The following F12 variants were observed in gnomAD, a reference collection of about 807,000 sequenced individuals.
F12 encodes the protein coagulation factor XII, also known as Hageman factor.
In F12, 70 loss-of-function variants were observed where a neutral mutation model predicts 74.8. The ratio of observed to expected loss-of-function variants is 0.94; its 90% CI spans 0.77 to 1.14. The LOEUF (loss-of-function observed/expected upper bound fraction) is 1.14, where lower values mean the gene tolerates loss of function less well. Ranked by LOEUF, F12 falls within the 50% of genes most tolerant of loss-of-function variation. F12 has a pLI of 0.00. For synonymous variants in F12, 373 were observed against 356.4 expected (o/e 1.05, Z -0.52); for missense variants, 811 against 835.7 (o/e 0.97, Z 0.36).
chr5:177,405,671 T>C, intron 4 of F12, 64 bp downstream of exon 4: 1 of 1,507,598 alleles, frequency 6.6e-7, no homozygotes, highest in East Asian at 2.3e-5. Flanking sequence ...GGTCTGGTGA[T>C]ACCAGGAGAG....
chr5:177,405,341 C>T lies in F12; in HGVS notation c.379G>A (p.Gly127Arg), dbSNP rs1763264866. The T allele has an allele frequency of 6.2e-7, 1 of 1,614,162 alleles. No homozygotes were observed. Among genetic ancestry groups the T allele is most frequent in the Admixed American group, 1.7e-5 (1 of 60,024 alleles). ...PHCLCPQHLT[G>R]NHCQKEKCFE... The stretch of plus-strand genomic sequence containing the variant: ...TCCTCACCTTTCTGGCAGTGGTTTC[C>T]AGTGAGGTGTTGTGGACAGAGACAG... The change falls in exon 5 of 14, where the codon GGA (glycine) becomes AGA (arginine). Residue 127 changes from glycine (G) to arginine (R), a missense_variant. Transcript: ENST00000253496.
rs1358361091 is a variant in F12 at position 177,403,973 on chromosome 5, G to A, written c.1136C>T (p.Ala379Val). 2 of 1,602,728 alleles carry A rather than the reference G, an allele frequency of 1.2e-6. No homozygotes were observed. Among genetic ancestry groups the A allele is most frequent in the Admixed American group, 1.7e-5 (1 of 59,858 alleles). Reference sequence around the variant, plus strand: ...GATGTAGGGGTGCGCCCCGCGTAGCGCCACCAGCCCGCCAACGACGCGGGT... The same window carrying A: ...GATGTAGGGGTGCGCCCCGCGTAGCACCACCAGCCCGCCAACGACGCGGGT... ...SMTRVVGGLV[A>V]LRGAHPYIAA... The change falls in exon 10 of 14, where the codon GCG becomes GTG. Residue 379 changes from alanine to valine, a missense_variant. Coordinates refer to ENST00000253496, the MANE Select transcript of F12 (RefSeq NM_000505.4).
chr5:177,406,289 C>T (rs1411193292), intron 2 of F12, among the ~76,000 whole-genome samples: 3 of 152,136 alleles, frequency 2.0e-5, no homozygotes, highest in Admixed American at 2.0e-4. Flanking sequence ...GAGATCAAGA[C>T]CATCCTGGCT....
chr5:177,406,297 G>A (rs867578129), intron 2 of F12, among the ~76,000 whole-genome samples: 5 of 152,136 alleles, frequency 3.3e-5, no homozygotes, highest in African/African-American at 9.7e-5. Flanking sequence ...GACCATCCTG[G>A]CTAATACAGT....
intron 2 of F12, among the ~76,000 whole-genome samples, chr5:177,408,818 C>T (rs1253955013): frequency 2.6e-5 from 4 of 152,216 alleles, no homozygotes; most frequent in Admixed American, 2.6e-4. Context: ...GGTGTGATGG[C>T]GCCAGCAGCA....
intron 12 of F12, chr5:177,402,919 TC>T: frequency 1.4e-6 from 1 of 696,940 alleles, no homozygotes; most frequent in Non-Finnish European, 2.4e-6. Context: ...CAGAAACCCC[TC>T]CCCCACCACC....
chr5:177,402,503 G>C, intron 13 of F12, 44 bp from the exon 14 acceptor site: 1 of 1,599,840 alleles, frequency 6.3e-7, no homozygotes, highest in Non-Finnish European at 8.5e-7. Flanking sequence ...CCTGAGATTT[G>C]TGCCTGACGG....
At position 177,404,176 on chromosome 5, in the gene F12, T is replaced by TC. The variant is rs35966430; in HGVS notation, c.1018+19dup. The TC allele has an allele frequency of 1.7e-3, 2,624 of 1,568,658 alleles. 10 individuals carry two copies. The highest frequency in any genetic ancestry group is 0.014 in the African/African-American group (1,006 of 73,490). ...GCCCGGCGCCCTCTCGGCTCCTCCT[T>TC]CCCCCCCCCACTTCCTAACCTCCCG... is the stretch of plus-strand genomic sequence containing the variant. On this transcript the variant is annotated intron_variant, in intron 9 of 13. Coordinates refer to ENST00000253496, the MANE Select transcript of F12 (RefSeq NM_000505.4).
chr5:177,403,743 G>T, intron 10 of F12, 116 bp downstream of exon 10: 1 of 1,480,782 alleles, frequency 6.8e-7, no homozygotes, highest in Non-Finnish European at 9.0e-7. Flanking sequence ...GAGGGGCGTG[G>T]AAAGAAGGGT....
rs149368999 is a variant in F12, at chr5:177,406,057, G to A, written c.120C>T (p.Leu40=). 1.6e-4 allele frequency: 253 copies of A among 1,613,894 alleles called. No individual in the cohort carries two copies. In the African/African-American group the frequency reaches 3.0e-3, roughly 19 times the overall value. Residue 40 remains leucine (L), a synonymous_variant, in exon 3 of 14, where the codon CTC becomes CTT. Transcript: ENST00000253496. ...AGTGGCAGGGCTCCCCGGTGACAGTGAGAACTGCAGGGACAACACACTCTC... is the reference window on the plus strand; with the variant it reads ...AGTGGCAGGGCTCCCCGGTGACAGTAAGAACTGCAGGGACAACACACTCTC... ...KYKAEEHTVV[L]TVTGEPCHFP...
At chr5:177,405,004 G>A in intron 6 of F12, 50 bp downstream of exon 6, 1 of 1,602,576 alleles carries the variant, frequency 6.2e-7, no homozygotes, top group South Asian at 1.1e-5. Context: ...CCTCCTGCCA[G>A]CCTGTCTTCC....
rs777504579 is a variant in F12, at chr5:177,403,885, C to T, written c.1224G>A (p.Leu408=). 1 of 1,568,304 alleles carries T rather than the reference C, an allele frequency of 6.4e-7. No individual in the cohort carries two copies. The highest frequency in any genetic ancestry group is 8.6e-7 in the Non-Finnish European group (1 of 1,160,412). ...AGSLIAPCWV[L]TAAHCLQDRP... ...GGTCCTGCAGGCAGTGAGCGGCCGT[C>T]AGCACCCAGCAGGGGGCGATGAGGC... is the stretch of plus-strand genomic sequence containing the variant. The change falls in exon 10 of 14, where the codon CTG becomes CTA. Residue 408 remains leucine, a synonymous_variant. Coordinates refer to ENST00000253496, the MANE Select transcript of F12 (RefSeq NM_000505.4).
chr5:177,407,236 C>G (rs1331517103), intron 2 of F12, among the ~76,000 whole-genome samples: 1 of 152,210 alleles, frequency 6.6e-6, no homozygotes, highest in African/African-American at 2.4e-5. Context: ...GAACCTAATA[C>G]TGTTTGCTAG....
In F12 at chr5:177,404,772, G is replaced by C. The variant is rs564522933; in HGVS notation, c.634+38C>G. 16 of 1,587,092 alleles carry C rather than the reference G, an allele frequency of 1.0e-5. No homozygotes were observed. In the African/African-American group the frequency reaches 1.1e-4, roughly 11 times the overall value. ...CCTTCCTGGCAAGCCCGTCCCACCT[G>C]GGGGCTGGCCTTCTGCTTGCCCCAG... On this transcript the variant is annotated intron_variant, in intron 7 of 13. Transcript: ENST00000253496.
Position 177,403,845 on chromosome 5 carries a change from G to T in F12, c.1250+14C>A, listed in dbSNP as rs766895370. 10 of 1,512,160 alleles carry T rather than the reference G, an allele frequency of 6.6e-6. No individual in the cohort carries two copies. Among genetic ancestry groups the T allele is most frequent in the Non-Finnish European group, 8.8e-6 (10 of 1,129,958 alleles). 93.7% of individuals were successfully genotyped at this position (1,512,160 alleles called of 1,614,324 possible). On this transcript the variant is annotated intron_variant, in intron 10 of 13. Coordinates refer to ENST00000253496, the MANE Select transcript of F12 (RefSeq NM_000505.4). ...CGCGGCCCCTGGGGCGGCTCTGGGC[G>T]GGCGGGTACTCGCCGGTCCTGCAGG...
At chr5:177,409,177 CT>C in intron 1 of F12, 74 bp from the exon 2 acceptor site, 1 of 1,424,142 alleles carries the variant, frequency 7.0e-7, no homozygotes, top group South Asian at 1.2e-5. Context: ...TAGTCTGCAG[CT>C]TCCTCTCACA....
chr5:177,404,761 C>T (rs1419583871), intron 7 of F12, 49 bp downstream of exon 7: 4 of 1,589,438 alleles, frequency 2.5e-6, no homozygotes, highest in Non-Finnish European at 3.4e-6. Flanking sequence ...CCTGGCAAGC[C>T]CGTCCCACCT....
intron 7 of F12, 59 bp from the exon 8 acceptor site, chr5:177,404,723 T>C: frequency 6.2e-7 from 1 of 1,602,382 alleles, no homozygotes; most frequent in South Asian, 1.1e-5. Context: ...CTCCCTCTCA[T>C]CTGCTTTCCG....
chr5:177,406,709 T>C (rs1247010416), intron 2 of F12, among the ~76,000 whole-genome samples: 1 of 152,232 alleles, frequency 6.6e-6, no homozygotes, highest in Non-Finnish European at 1.5e-5. Context: ...ACGGCAGTAA[T>C]AATAGTACAG....
Sources: gnomAD v4.1 joint callset for allele counts (sites outside exome capture counted in the v4.1 genomes callset) on GRCh38, gnomAD v4.1.1 for gene constraint, MANE v1.5 for transcripts, NCBI Gene and HGNC (gene_info 2026-07-23, HGNC 2026-07-21) for gene names.